Variants in MARCHF8 observed in about 807,000 individuals in gnomAD.
MARCHF8 encodes the protein E3 ubiquitin-protein ligase MARCHF8.
Under a neutral mutation model 51.6 loss-of-function variants are expected in MARCHF8, and 40 were observed. That is an observed-to-expected ratio of 0.77 (90% CI 0.60 to 1.01). MARCHF8 has a LOEUF of 1.01. Ranked by LOEUF, MARCHF8 falls within the 50% of genes least tolerant of loss-of-function variation. The pLI, the probability that MARCHF8 is intolerant of heterozygous loss-of-function variation, is 0.00. For missense variants in MARCHF8, 685 were observed against 708.6 expected, an observed-to-expected ratio of 0.97 and a Z score of 0.38; for synonymous variants, 263 against 280.3, an observed-to-expected ratio of 0.94 and a Z score of 0.62.
At chr10:45,479,291 CA>C (rs1415292533) in intron 3 of MARCHF8, among the ~76,000 whole-genome samples, 1 of 152,118 alleles carries the variant, frequency 6.6e-6, no homozygotes, top group Non-Finnish European at 1.5e-5. Context: ...TAAAATTCAA[CA>C]TTCCTTCATG....
At chr10:45,508,709 G>C (rs2043435495) in intron 2 of MARCHF8, among the ~76,000 whole-genome samples, 1 of 151,886 alleles carries the variant, frequency 6.6e-6, no homozygotes, top group African/African-American at 2.4e-5. Context: ...ATAATATCTA[G>C]GATTATTGCT....
chr10:45,584,111 C>T (rs1331981377), intron 1 of MARCHF8, among the ~76,000 whole-genome samples: 1 of 107,734 alleles, frequency 9.3e-6, no homozygotes, highest in East Asian at 2.9e-4. Flanking sequence ...TAGATTCTAC[C>T]AACATATATA....
At chr10:45,500,963 G>T (rs2043269133) in intron 2 of MARCHF8, among the ~76,000 whole-genome samples, 1 of 151,818 alleles carries the variant, frequency 6.6e-6, no homozygotes, top group Non-Finnish European at 1.5e-5. Flanking sequence ...GTATTTAGGT[G>T]CACATCAAGT....
intron 2 of MARCHF8, among the ~76,000 whole-genome samples, chr10:45,490,833 G>T: frequency 6.6e-6 from 1 of 152,116 alleles, no homozygotes; most frequent in East Asian, 1.9e-4. Flanking sequence ...GACCTCTTGG[G>T]CTCAAGTGAT....
intron 2 of MARCHF8, among the ~76,000 whole-genome samples, chr10:45,530,750 G>C (rs918725803): frequency 6.6e-6 from 1 of 152,070 alleles, no homozygotes; most frequent in African/African-American, 2.4e-5. Flanking sequence ...GCTAGCCTGG[G>C]CAACAGAGCA....
chr10:45,483,186 C>G (rs996459670), intron 3 of MARCHF8, among the ~76,000 whole-genome samples: 14 of 152,186 alleles, frequency 9.2e-5, no homozygotes, highest in Non-Finnish European at 1.5e-4. Flanking sequence ...AGGAAACAAT[C>G]AACAGAGTGA....
At chr10:45,573,933 GT>G (rs1162397346) in intron 1 of MARCHF8, among the ~76,000 whole-genome samples, 2 of 151,990 alleles carry the variant, frequency 1.3e-5, no homozygotes, top group Non-Finnish European at 2.9e-5. Context: ...CTCCTTTTTA[GT>G]TATCCCCACC....
intron 1 of MARCHF8, among the ~76,000 whole-genome samples, chr10:45,545,966 C>T (rs1430955276): frequency 6.6e-6 from 1 of 152,156 alleles, no homozygotes; most frequent in Non-Finnish European, 1.5e-5. Context: ...CAAAATTAAA[C>T]TTGAAAGCTC....
chr10:45,502,217 C>T (rs541429112), intron 2 of MARCHF8, among the ~76,000 whole-genome samples: 14 of 152,208 alleles, frequency 9.2e-5, no homozygotes, highest in African/African-American at 1.9e-4. Flanking sequence ...AACAGGTAAA[C>T]GGTTAGAAAA....
At chr10:45,498,323 G>A (rs1036386415) in intron 2 of MARCHF8, among the ~76,000 whole-genome samples, 4 of 151,916 alleles carry the variant, frequency 2.6e-5, no homozygotes, top group East Asian at 1.9e-4. Context: ...TCCTACCCCC[G>A]AAATATTTTT....
chr10:45,463,733 G>A lies in MARCHF8; in HGVS notation c.506C>T (p.Ser169Leu), dbSNP rs1335522261. Residue 169 changes from serine (S) to leucine (L), a missense_variant, in exon 5 of 8, where the codon TCA (serine) becomes TTA (leucine). Coordinates refer to ENST00000453424, the MANE Select transcript of MARCHF8 (RefSeq NM_001282866.2). ...TCTTTCCACATAGGCAAAACTTTCT[G>A]AAGTATCCTGCGCCTTCTCACCCAC... ...NDVGEKAQDTSESFAYVERTC... is the reference protein window; with the variant it reads ...NDVGEKAQDTLESFAYVERTC... The A allele has an allele frequency of 1.3e-6, 2 of 1,551,090 alleles. No individual in the cohort carries two copies. Among genetic ancestry groups the A allele is most frequent in the East Asian group, 2.4e-5 (1 of 40,940 alleles).
chr10:45,538,529 A>T (rs1362044511), upstream of MARCHF8, among the ~76,000 whole-genome samples: 1 of 152,242 alleles, frequency 6.6e-6, no homozygotes, highest in Non-Finnish European at 1.5e-5. Context: ...GGCAAATTGG[A>T]TAAAGAGTCA....
chr10:45,464,492 A>G (rs551906158), intron 3 of MARCHF8, among the ~76,000 whole-genome samples, 165 bp from the exon 4 acceptor site: 20 of 152,316 alleles, frequency 1.3e-4, no homozygotes, highest in African/African-American at 4.6e-4. Flanking sequence ...AACAAATCAA[A>G]TATCACTATT....
chr10:45,464,216 C>A (rs779778652), intron 4 of MARCHF8, 23 bp downstream of exon 4: 3 of 1,609,482 alleles, frequency 1.9e-6, no homozygotes, highest in Non-Finnish European at 1.7e-6. Flanking sequence ...CTGATCATGG[C>A]AGCATCTGAA....
At chr10:45,496,872 C>G (rs2043183688) in intron 2 of MARCHF8, among the ~76,000 whole-genome samples, 1 of 151,684 alleles carries the variant, frequency 6.6e-6, no homozygotes, top group South Asian at 2.1e-4. Context: ...TAAAATATTA[C>G]AATACAAAAT....
At chr10:45,553,714 A>G (rs2044220913) in intron 1 of MARCHF8, among the ~76,000 whole-genome samples, 1 of 152,226 alleles carries the variant, frequency 6.6e-6, no homozygotes, top group Admixed American at 6.5e-5. Context: ...CTATGGAGTG[A>G]TCAGCAGGAA....
chr10:45,589,211 C>A (rs769641696), intron 1 of MARCHF8, among the ~76,000 whole-genome samples: 1 of 152,092 alleles, frequency 6.6e-6, no homozygotes, highest in Non-Finnish European at 1.5e-5. Context: ...CTAGGCACAG[C>A]TTAGCTGGGT....
chr10:45,499,358 T>A (rs897345390), intron 2 of MARCHF8, among the ~76,000 whole-genome samples: 1 of 152,212 alleles, frequency 6.6e-6, no homozygotes, highest in Admixed American at 6.5e-5. Flanking sequence ...GATATATGAT[T>A]TGTAAATATC....
intron 1 of MARCHF8, among the ~76,000 whole-genome samples, chr10:45,584,830 T>C (rs747127173): frequency 1.3e-5 from 2 of 152,090 alleles, no homozygotes; most frequent in Non-Finnish European, 2.9e-5. Flanking sequence ...ATTGCCGGCT[T>C]TGAAGATGAA....
Sources: gnomAD v4.1 joint callset for allele counts (sites outside exome capture counted in the v4.1 genomes callset) on GRCh38, gnomAD v4.1.1 for gene constraint, MANE v1.5 for transcripts, NCBI Gene and HGNC (gene_info 2026-07-23, HGNC 2026-07-21) for gene names.